The following TET3 variants were observed in gnomAD, a reference collection of about 807,000 sequenced individuals.
The protein encoded by TET3 is tet methylcytosine dioxygenase 3, also known as methylcytosine dioxygenase TET3.
In TET3, 19 loss-of-function variants were observed where a neutral mutation model predicts 141.4. That is an observed-to-expected ratio of 0.13 (90% CI 0.09 to 0.20). The LOEUF is 0.20. Ranked by LOEUF, TET3 falls within the 10% of genes least tolerant of loss-of-function variation. The probability of loss-of-function intolerance (pLI) is 1.00; values close to 1 mark genes in which losing one functional copy is unlikely to be tolerated. For missense variants in TET3, 1,874 were observed against 2,356.9 expected (o/e 0.80, Z 4.24); for synonymous variants, 1,043 against 980.9 (o/e 1.06, Z -1.18).
chr2:74,092,475 A>G (rs1389384428), intron 8 of TET3, among the ~76,000 whole-genome samples: 1 of 152,072 alleles, frequency 6.6e-6, no homozygotes, highest in Admixed American at 6.6e-5. Context: ...AATTTCTAGC[A>G]TGGATCCTGC....
At chr2:74,108,645 C>A (rs575671652), downstream of TET3, among the ~76,000 whole-genome samples, 59 of 152,272 alleles carry the variant, frequency 3.9e-4, 2 homozygotes, top group Middle Eastern at 0.01. Context: ...CCCGCAAGAT[C>A]CCATGCCTGG....
chr2:74,104,356 T>C lies in TET3; in HGVS notation c.*2180T>C, dbSNP rs1558802238. ...GAACTCAGATTTATAGGAAAACCTC[T>C]GACCTTCAGTTTGACAAGCTAAAGG... On this transcript the variant is annotated 3_prime_UTR_variant, in exon 12 of 12. Coordinates refer to ENST00000409262, the MANE Select transcript of TET3 (RefSeq NM_001287491.2). 1 of 152,226 alleles carries C rather than the reference T, an allele frequency of 6.6e-6. No individual in the cohort carries two copies. Among genetic ancestry groups the C allele is most frequent in the African/African-American group, 2.4e-5 (1 of 41,452 alleles). The allele number at this position is 152,226 out of a possible 1,614,324, so 9.4% of individuals were successfully genotyped here. A position where few individuals can be genotyped will look rare whatever the true frequency, so the allele number is the denominator to read the frequency against.
intron 6 of TET3, 62 bp downstream of exon 6, chr2:74,080,653 G>T (rs928637443): frequency 3.7e-6 from 5 of 1,356,920 alleles, no homozygotes; most frequent in South Asian, 3.7e-5. Flanking sequence ...GCATGGCCAC[G>T]GCTGTGCCTG....
At chr2:74,052,751 T>C (rs28460865) in intron 4 of TET3, among the ~76,000 whole-genome samples, 27,033 of 151,950 alleles carry the variant, frequency 0.18, 4,131 homozygotes, top group African/African-American at 0.42. Flanking sequence ...GTGCCTGTAA[T>C]TCCAGTTACT....
chr2:73,989,003 T>TTG (rs1684194602), intron 2 of TET3, among the ~76,000 whole-genome samples: 1 of 149,252 alleles, frequency 6.7e-6, no homozygotes, highest in African/African-American at 2.5e-5. Flanking sequence ...TTTTTTGTTT[T>TTG]TTTTTTTTTT....
chr2:74,025,294 T>TG (rs1686276290), intron 3 of TET3, among the ~76,000 whole-genome samples: 1 of 150,660 alleles, frequency 6.6e-6, no homozygotes, highest in African/African-American at 2.4e-5. Flanking sequence ...TGTAGGTTTT[T>TG]GTTTTTTTTT....
In TET3 at chr2:74,093,798, C is replaced by A; in HGVS notation, c.3267+132C>A. ...AGGATCCTCAGAACTCTGGAAGGTT[C>A]CCTGCAAGACGGCCTGCCTTCGCCC... is the stretch of plus-strand genomic sequence containing the variant. On this transcript the variant is annotated intron_variant, in intron 10 of 11. Transcript: ENST00000409262. This position sits in a 1 kb window ranked among gnomAD's most constrained non-coding sequence, Gnocchi z 4.2. The A allele has an allele frequency of 8.3e-7, 1 of 1,210,218 alleles. No individual in the cohort carries two copies. Among genetic ancestry groups the A allele is most frequent in the Non-Finnish European group, 1.1e-6 (1 of 923,090 alleles). The allele number at this position is 1,210,218 out of a possible 1,614,324, so 75.0% of individuals were successfully genotyped here.
At chr2:74,025,173 G>A (rs1306738231) in intron 3 of TET3, among the ~76,000 whole-genome samples, 3 of 143,546 alleles carry the variant, frequency 2.1e-5, no homozygotes, top group Admixed American at 1.4e-4. Flanking sequence ...GCAGTGAGCC[G>A]AGATTGTGCT....
the TET3 span, among the ~76,000 whole-genome samples, chr2:74,133,536 GCTGA>G: frequency 2.6e-5 from 4 of 152,192 alleles, no homozygotes; most frequent in East Asian, 1.9e-4. Flanking sequence ...CTCATTCTGT[GCTGA>G]CTGTTGGCAG....
intron 3 of TET3, among the ~76,000 whole-genome samples, chr2:74,041,551 G>A (rs1687338048): frequency 6.6e-6 from 1 of 152,190 alleles, no homozygotes; most frequent in African/African-American, 2.4e-5. Context: ...AATCAACTTA[G>A]AAGGTTGCAA....
In TET3 at chr2:74,003,053, C is replaced by G. The variant is rs1295728258; in HGVS notation, c.304-57C>G. 2.6e-6 allele frequency: 4 copies of G among 1,545,392 alleles called. No individual in the cohort carries two copies. In the Admixed American group the frequency reaches 7.8e-5, roughly 30 times the overall value. On this transcript the variant is annotated intron_variant, in intron 2 of 11. Coordinates refer to ENST00000409262, the MANE Select transcript of TET3 (RefSeq NM_001287491.2). ...CGGGCTGGGGGCTGTAGCAGGAGGA[C>G]TTTGCTGCCTTCCTGGTACCCGCCT...
intron 3 of TET3, among the ~76,000 whole-genome samples, chr2:74,014,846 T>C (rs1573693170): frequency 6.6e-6 from 1 of 152,114 alleles, no homozygotes; most frequent in African/African-American, 2.4e-5. Context: ...CTTCAGTCCA[T>C]GAAGAGTGTC....
At chr2:74,073,896 T>G in intron 5 of TET3, 1 of 300,768 alleles carries the variant, frequency 3.3e-6, no homozygotes, top group African/African-American at 2.2e-5. Context: ...TGGCTCTATG[T>G]CCTGTAGAGT....
chr2:73,988,956 T>G (rs1297334602), intron 2 of TET3, among the ~76,000 whole-genome samples: 1 of 145,348 alleles, frequency 6.9e-6, no homozygotes, highest in Non-Finnish European at 1.5e-5. Context: ...AAATACAAAA[T>G]GGTAACCAGT....
chr2:74,059,198 C>T (rs1341040786), intron 4 of TET3, among the ~76,000 whole-genome samples: 1 of 152,150 alleles, frequency 6.6e-6, no homozygotes, highest in African/African-American at 2.4e-5. Context: ...TTGGCTTTTG[C>T]TCAATGATGT....
chr2:74,002,715 T>G (rs982264773), intron 2 of TET3: 77 of 443,022 alleles, frequency 1.7e-4, no homozygotes, highest in East Asian at 1.1e-3. Flanking sequence ...GGCCGCCGCC[T>G]CCTCTGCAGT....
chr2:74,050,937 C>T lies in TET3; in HGVS notation c.2494+2526C>T, dbSNP rs536010948. 5.9e-5 allele frequency among the ~76,000 whole-genome samples: 9 copies of T among 152,062 alleles called. 1 individual carries two copies. The South Asian group carries it at 1.7e-3, about 28-fold the overall frequency. On this transcript the variant is annotated intron_variant, in intron 4 of 11. Coordinates refer to ENST00000409262, the MANE Select transcript of TET3 (RefSeq NM_001287491.2). ...GTGTGTGCTGAGTGCCTTTTACCTC[C>T]GAGGCCCATGCTGTTGTATGGAAGT... is the stretch of plus-strand genomic sequence containing the variant.
At position 74,100,845 on chromosome 2, in the gene TET3, A is replaced by G; in HGVS notation, c.4057A>G (p.Thr1353Ala). The G allele has an allele frequency of 6.2e-6, 10 of 1,610,570 alleles. No homozygotes were observed. The highest frequency in any genetic ancestry group is 7.6e-6 in the Non-Finnish European group (9 of 1,178,808). The change falls in exon 12 of 12, where the codon ACT becomes GCT. Residue 1353 changes from threonine (T) to alanine (A), a missense_variant. Physicochemically the swap from Thr to Ala is moderately conservative, Grantham distance 58. Transcript: ENST00000409262. Reference sequence around the variant, plus strand: ...TGTTCCCACAGACGCCCACCACCCCACTCCTCACCACCAGCAGCCTGCGTA... The same window carrying G: ...TGTTCCCACAGACGCCCACCACCCCGCTCCTCACCACCAGCAGCCTGCGTA... Reference protein sequence around the residue: ...QAVPTDAHHPTPHHQQPAYPG... With the variant: ...QAVPTDAHHPAPHHQQPAYPG...
At chr2:74,083,096 T>A (rs944759361) in intron 6 of TET3, among the ~76,000 whole-genome samples, 13 of 152,222 alleles carry the variant, frequency 8.5e-5, no homozygotes, top group African/African-American at 3.1e-4. Flanking sequence ...GGGGACACAG[T>A]CAAGGTACAT....
Sources: allele counts gnomAD v4.1 joint callset (sites outside exome capture counted in the v4.1 genomes callset), GRCh38; gene constraint gnomAD v4.1.1; non-coding constraint Gnocchi (gnomAD v3.1); transcripts MANE v1.5; gene names NCBI Gene and HGNC (gene_info 2026-07-23, HGNC 2026-07-21).